HCN1: variants seen among roughly 807,000 people sequenced by gnomAD.
HCN1 encodes the protein potassium/sodium hyperpolarization-activated cyclic nucleotide-gated channel 1.
In HCN1, 13 loss-of-function variants were observed where a neutral mutation model predicts 78.9. The observed-to-expected ratio is 0.16, with a 90% CI of 0.11 to 0.26. The LOEUF is 0.26. Among genes scored for constraint, HCN1 ranks in the 10% least tolerant of loss-of-function variants. The pLI, the probability that HCN1 is intolerant of heterozygous loss-of-function variation, is 1.00. For missense variants in HCN1, 810 were observed against 1,154.3 expected, an observed-to-expected ratio of 0.70 and a Z score of 4.32; for synonymous variants, 552 against 455.5, an observed-to-expected ratio of 1.21 and a Z score of -2.70.
At chr5:45,352,140 G>C (rs887482216) in intron 5 of HCN1, among the ~76,000 whole-genome samples, 1 of 151,986 alleles carries the variant, frequency 6.6e-6, no homozygotes, top group African/African-American at 2.4e-5. Context: ...TGTCCAACAA[G>C]GATAGACTGG....
At chr5:45,403,362 T>C (rs1410486071) in intron 3 of HCN1, among the ~76,000 whole-genome samples, 1 of 152,156 alleles carries the variant, frequency 6.6e-6, no homozygotes, top group Admixed American at 6.6e-5. Flanking sequence ...CTAATAAAGA[T>C]ATACCTGAGA....
intron 5 of HCN1, among the ~76,000 whole-genome samples, chr5:45,335,998 C>A (rs748321610): frequency 1.3e-5 from 2 of 151,972 alleles, no homozygotes; most frequent in Non-Finnish European, 1.5e-5. Context: ...TGAAAAATTG[C>A]GTATACTTAT....
chr5:45,431,431 A>C (rs1458028657), intron 3 of HCN1, among the ~76,000 whole-genome samples: 1 of 152,050 alleles, frequency 6.6e-6, no homozygotes, highest in African/African-American at 2.4e-5. Flanking sequence ...GAAACTCTTG[A>C]GCTTAATTAG....
intron 3 of HCN1, among the ~76,000 whole-genome samples, chr5:45,444,064 A>G (rs1423153196): frequency 6.6e-6 from 1 of 152,152 alleles, no homozygotes; most frequent in Non-Finnish European, 1.5e-5. Context: ...AATTTAAAAG[A>G]TTAACTGTAA....
At position 45,660,808 on chromosome 5, in the gene HCN1, T is replaced by A. The variant is rs1178016608; in HGVS notation, c.426-15200A>T. On this transcript the variant is annotated intron_variant, in intron 1 of 7. Transcript: ENST00000303230. ...GGAGCACCCAGATTCATAAAGCAAGTCCTGAGTGACATACAAAGAGACTTA... is the reference window on the plus strand; with the variant it reads ...GGAGCACCCAGATTCATAAAGCAAGACCTGAGTGACATACAAAGAGACTTA... Among the ~76,000 whole-genome samples, 1,026 of 133,910 alleles carry A rather than the reference T, an allele frequency of 7.7e-3. 22 individuals are homozygous for A. The highest frequency in any genetic ancestry group is 0.029 in the African/African-American group (1,004 of 34,566). The allele number at this position is 133,910 out of a possible 152,430, so 87.9% of individuals were successfully genotyped here.
At chr5:45,459,667 T>C (rs554377174) in intron 3 of HCN1, among the ~76,000 whole-genome samples, 2 of 152,274 alleles carry the variant, frequency 1.3e-5, no homozygotes, top group African/African-American at 4.8e-5. Context: ...ATATGTACTT[T>C]ATAGACATCC....
chr5:45,304,002 T>G (rs377372374), intron 5 of HCN1, among the ~76,000 whole-genome samples, 163 bp from the exon 6 acceptor site: 1 of 152,170 alleles, frequency 6.6e-6, no homozygotes, highest in Non-Finnish European at 1.5e-5. Flanking sequence ...GTCAGGATTA[T>G]GTTTTATTTT....
intron 6 of HCN1, among the ~76,000 whole-genome samples, chr5:45,275,401 A>G (rs986498554): frequency 6.6e-6 from 1 of 152,196 alleles, no homozygotes; most frequent in Non-Finnish European, 1.5e-5. Context: ...CAATTGACAG[A>G]AGTTATAATA....
At chr5:45,422,810 T>C (rs1272814763) in intron 3 of HCN1, among the ~76,000 whole-genome samples, 1 of 152,096 alleles carries the variant, frequency 6.6e-6, no homozygotes, top group Admixed American at 6.6e-5. Flanking sequence ...CAAAGTCATA[T>C]ATGAGAGCTA....
intron 3 of HCN1, among the ~76,000 whole-genome samples, chr5:45,410,289 C>T (rs550687951): frequency 9.9e-5 from 15 of 152,068 alleles, no homozygotes; most frequent in Admixed American, 3.3e-4. Flanking sequence ...GATCTCTAGG[C>T]TGCTGATTGC....
At chr5:45,276,226 A>C (rs1745054593) in intron 6 of HCN1, among the ~76,000 whole-genome samples, 2 of 152,050 alleles carry the variant, frequency 1.3e-5, no homozygotes, top group South Asian at 4.1e-4. Context: ...ACACACACAC[A>C]CCACATGCAC....
chr5:45,311,110 C>T (rs1181097265), intron 5 of HCN1, among the ~76,000 whole-genome samples: 1 of 152,144 alleles, frequency 6.6e-6, no homozygotes, highest in Admixed American at 6.6e-5. Flanking sequence ...CCCCCATTAT[C>T]TCCATGTTCA....
intron 6 of HCN1, among the ~76,000 whole-genome samples, chr5:45,303,118 T>C (rs149196589): frequency 6.6e-6 from 1 of 152,224 alleles, no homozygotes; most frequent in East Asian, 1.9e-4. Context: ...CCTATACCAA[T>C]TCTGGGCAAT....
At chr5:45,593,993 T>TG (rs1744437999) in intron 2 of HCN1, among the ~76,000 whole-genome samples, 2 of 152,142 alleles carry the variant, frequency 1.3e-5, no homozygotes, top group South Asian at 4.1e-4. Context: ...GAATTTTAAA[T>TG]TTAGAGTACT....
At chr5:45,344,008 C>T (rs939453191) in intron 5 of HCN1, among the ~76,000 whole-genome samples, 10 of 151,830 alleles carry the variant, frequency 6.6e-5, no homozygotes, top group Admixed American at 2.0e-4. Context: ...TAACTGAGAC[C>T]GAGTAATTTA....
chr5:45,482,866 T>A (rs1469643013), intron 2 of HCN1, among the ~76,000 whole-genome samples: 5 of 152,218 alleles, frequency 3.3e-5, no homozygotes, highest in Non-Finnish European at 7.3e-5. Flanking sequence ...GTATTTGTTT[T>A]TCCATTCCTG....
chr5:45,431,087 A>G (rs965623541), intron 3 of HCN1, among the ~76,000 whole-genome samples: 16 of 152,180 alleles, frequency 1.1e-4, no homozygotes, highest in Admixed American at 3.9e-4. Context: ...TTTTCTCTGT[A>G]ACTTTACCAG....
intron 2 of HCN1, among the ~76,000 whole-genome samples, chr5:45,630,156 A>C (rs547606110): frequency 6.6e-6 from 1 of 152,210 alleles, no homozygotes; most frequent in South Asian, 2.1e-4. Flanking sequence ...CTCTTGTTCA[A>C]ATTATAGCAC....
chr5:45,634,091 GA>G (rs1216178736), intron 2 of HCN1, among the ~76,000 whole-genome samples: 1 of 151,898 alleles, frequency 6.6e-6, no homozygotes, highest in Non-Finnish European at 1.5e-5. Context: ...GCAAAACTGT[GA>G]ATTTTTAAAA....
Sources: gnomAD v4.1 joint callset for allele counts (sites outside exome capture counted in the v4.1 genomes callset) on GRCh38, gnomAD v4.1.1 for gene constraint, MANE v1.5 for transcripts, NCBI Gene and HGNC (gene_info 2026-07-23, HGNC 2026-07-21) for gene names.